Variants in TBC1D19 observed in about 807,000 individuals in gnomAD.
TBC1D19 encodes the protein TBC1 domain family, member 19.
Under a neutral mutation model 89.0 loss-of-function variants are expected in TBC1D19, and 60 were observed. The observed-to-expected ratio is 0.67, with a 90% confidence interval of 0.55 to 0.84. The LOEUF is 0.84. Ranked by LOEUF, TBC1D19 falls within the 40% of genes least tolerant of loss-of-function variation. The probability of loss-of-function intolerance (pLI) is 0.00; values close to 1 mark genes in which losing one functional copy is unlikely to be tolerated. For missense variants in TBC1D19, 500 were observed against 610.8 expected (o/e 0.82, Z 1.91); for synonymous variants, 189 against 199.7 (o/e 0.95, Z 0.45).
chr4:26,710,050 C>CT (rs1360067732), intron 13 of TBC1D19, among the ~76,000 whole-genome samples: 1 of 151,560 alleles, frequency 6.6e-6, no homozygotes. Flanking sequence ...TTTTATTATA[C>CT]TTTAAGTTTT....
At position 26,635,036 on chromosome 4, in the gene TBC1D19, G is replaced by A. The variant is rs74471781; in HGVS notation, c.295-2175G>A. ...TTATCAATTCTAGAGCTGTTTGCAT[G>A]AGTGATTGAAAATGAGAATATTTGT... On this transcript the variant is annotated intron_variant, in intron 4 of 20. Coordinates refer to ENST00000264866, the MANE Select transcript of TBC1D19 (RefSeq NM_018317.4). Among the ~76,000 whole-genome samples, 5 of 152,212 alleles carry A rather than the reference G, an allele frequency of 3.3e-5. No homozygotes were observed. The East Asian group carries it at 9.6e-4, about 29-fold the overall frequency.
At chr4:26,788,783 C>G in the TBC1D19 span, among the ~76,000 whole-genome samples, 1 of 152,176 alleles carries the variant, frequency 6.6e-6, no homozygotes, top group Non-Finnish European at 1.5e-5. Context: ...ACCTACCTAT[C>G]AAGTCGGCTT....
At chr4:26,762,603 G>T in the TBC1D19 span, among the ~76,000 whole-genome samples, 10 of 152,280 alleles carry the variant, frequency 6.6e-5, no homozygotes, top group South Asian at 2.1e-3. Flanking sequence ...GTTCCTCAAA[G>T]ATATTCATGT....
At chr4:26,814,618 A>G in the TBC1D19 span, among the ~76,000 whole-genome samples, 1 of 152,142 alleles carries the variant, frequency 6.6e-6, no homozygotes, top group Non-Finnish European at 1.5e-5. Flanking sequence ...TGATCAATCT[A>G]CTTTTCCTTT....
the TBC1D19 span, among the ~76,000 whole-genome samples, chr4:26,839,577 C>CT: frequency 6.6e-6 from 1 of 151,818 alleles, no homozygotes; most frequent in Non-Finnish European, 1.5e-5. Flanking sequence ...CCATCACCCC[C>CT]CCGCCCTTTC....
intron 18 of TBC1D19, among the ~76,000 whole-genome samples, chr4:26,743,736 C>A (rs965049864): frequency 4.0e-5 from 6 of 151,744 alleles, no homozygotes; most frequent in African/African-American, 1.4e-4. Flanking sequence ...AAACAAAATT[C>A]TATTCATGAT....
chr4:26,579,313 C>T (rs545284373), upstream of TBC1D19, among the ~76,000 whole-genome samples: 5 of 152,256 alleles, frequency 3.3e-5, no homozygotes, highest in East Asian at 1.9e-4. Context: ...GAATTGAGGA[C>T]GAAACACCAG....
chr4:26,615,654 A>T (rs1021138708), intron 3 of TBC1D19, among the ~76,000 whole-genome samples: 2 of 152,142 alleles, frequency 1.3e-5, no homozygotes, highest in Non-Finnish European at 2.9e-5. Flanking sequence ...ATTTTTAAAG[A>T]ATTAGCATTT....
At chr4:26,692,896 A>C (rs1192226303) in intron 13 of TBC1D19, among the ~76,000 whole-genome samples, 3 of 152,232 alleles carry the variant, frequency 2.0e-5, no homozygotes, top group African/African-American at 7.2e-5. Flanking sequence ...CAATTAGAGG[A>C]ACCTAATATC....
At chr4:26,628,000 T>C (rs1742543512) in intron 4 of TBC1D19, among the ~76,000 whole-genome samples, 2 of 152,204 alleles carry the variant, frequency 1.3e-5, no homozygotes, top group African/African-American at 4.8e-5. Context: ...GGTTTTCTTC[T>C]AGGGTTTTTA....
chr4:26,614,019 C>T (rs933417000), intron 2 of TBC1D19, among the ~76,000 whole-genome samples: 26 of 152,136 alleles, frequency 1.7e-4, no homozygotes, highest in Admixed American at 1.5e-3. Context: ...TAACTAGATA[C>T]TTGTCATCTA....
Position 26,755,028 on chromosome 4 carries a change from A to G in TBC1D19, c.*81A>G. 2 of 1,287,224 alleles carry G rather than the reference A, an allele frequency of 1.6e-6. No individual in the cohort carries two copies. The highest frequency in any genetic ancestry group is 1.1e-6 in the Non-Finnish European group (1 of 939,678). The allele number at this position is 1,287,224 out of a possible 1,614,324, so 79.7% of individuals were successfully genotyped here. A position where few individuals can be genotyped will look rare whatever the true frequency, so the allele number is the denominator to read the frequency against. On this transcript the variant is annotated 3_prime_UTR_variant, in exon 21 of 21. Transcript: ENST00000264866. ...ACTATGCAAACTCTGCATAAAACCA[A>G]AATGAAACTTTGCATATAAGCCAAT...
chr4:26,759,045 C>T (rs933517330), downstream of TBC1D19, among the ~76,000 whole-genome samples: 3 of 152,158 alleles, frequency 2.0e-5, no homozygotes, highest in African/African-American at 4.8e-5. Context: ...CCTTCTCTTC[C>T]CTCTTTACCT....
chr4:26,692,750 G>A (rs1714414371), intron 13 of TBC1D19, among the ~76,000 whole-genome samples: 1 of 152,212 alleles, frequency 6.6e-6, no homozygotes, highest in African/African-American at 2.4e-5. Flanking sequence ...ACTAGGAGGA[G>A]TCCTGATGGG....
At chr4:26,630,254 T>G (rs1405028652) in intron 4 of TBC1D19, among the ~76,000 whole-genome samples, 1 of 151,960 alleles carries the variant, frequency 6.6e-6, no homozygotes, top group Non-Finnish European at 1.5e-5. Context: ...TAGATTCCAA[T>G]TATTAGGGAA....
chr4:26,824,298 A>G, the TBC1D19 span, among the ~76,000 whole-genome samples: 2 of 152,264 alleles, frequency 1.3e-5, no homozygotes, highest in East Asian at 3.8e-4. Flanking sequence ...CATGTGAAGC[A>G]GTAACTTCGT....
At chr4:26,602,666 T>A (rs1378561740) in intron 1 of TBC1D19, among the ~76,000 whole-genome samples, 2 of 152,078 alleles carry the variant, frequency 1.3e-5, no homozygotes, top group African/African-American at 2.4e-5. Flanking sequence ...GGTCTCAATC[T>A]CCTGACATTG....
chr4:26,815,190 C>A, the TBC1D19 span, among the ~76,000 whole-genome samples: 1 of 152,210 alleles, frequency 6.6e-6, no homozygotes, highest in Non-Finnish European at 1.5e-5. Context: ...GAAATTGTGG[C>A]TTTGGCTTTA....
At chr4:26,651,270 G>GGC (rs1194216748) in intron 7 of TBC1D19, among the ~76,000 whole-genome samples, 1 of 152,184 alleles carries the variant, frequency 6.6e-6, no homozygotes, top group East Asian at 1.9e-4. Context: ...GTGGTAGCTT[G>GGC]ATGGGGATGG....
Sources: allele counts gnomAD v4.1 joint callset (sites outside exome capture counted in the v4.1 genomes callset), GRCh38; gene constraint gnomAD v4.1.1; transcripts MANE v1.5; gene names NCBI Gene and HGNC (gene_info 2026-07-23, HGNC 2026-07-21).